The following ATP8A2 variants were observed in gnomAD, a reference collection of about 807,000 sequenced individuals.
ATP8A2 encodes the protein phospholipid-transporting ATPase IB.
In ATP8A2, 100 loss-of-function variants were observed where a neutral mutation model predicts 165.6. That is an observed-to-expected ratio of 0.60 (90% CI 0.51 to 0.71). ATP8A2 has a LOEUF of 0.71. Among genes scored for constraint, ATP8A2 ranks in the 30% least tolerant of loss-of-function variants. The pLI is 0.00. For synonymous variants in ATP8A2, 543 were observed against 548.8 expected, an observed-to-expected ratio of 0.99 and a Z score of 0.15; for missense variants, 1,227 against 1,479.5, an observed-to-expected ratio of 0.83 and a Z score of 2.80.
At chr13:25,532,201 T>G in intron 4 of ATP8A2, 71 bp from the exon 5 acceptor site, 1 of 1,219,948 alleles carries the variant, frequency 8.2e-7, no homozygotes, top group Non-Finnish European at 1.2e-6. Flanking sequence ...TTCCTGATTG[T>G]TTTGTTTGCT....
intron 33 of ATP8A2, among the ~76,000 whole-genome samples, chr13:25,875,707 T>TTCGG (rs1952804412): frequency 1.3e-5 from 2 of 149,498 alleles, no homozygotes; most frequent in African/African-American, 5.2e-5. Context: ...GCCCAACTGT[T>TTCGG]TTAGCCACAT....
At chr13:25,999,108 C>A (rs1250670679) in intron 35 of ATP8A2, among the ~76,000 whole-genome samples, 6 of 152,154 alleles carry the variant, frequency 3.9e-5, no homozygotes, top group Non-Finnish European at 4.4e-5. Context: ...CACCACAAAT[C>A]AGTTAATACA....
intron 35 of ATP8A2, among the ~76,000 whole-genome samples, chr13:25,977,026 T>TCCTCCCCCACCC (rs1566319946): frequency 8.0e-6 from 1 of 125,370 alleles, no homozygotes; most frequent in African/African-American, 3.2e-5. Flanking sequence ...GACCTTGTGA[T>TCCTCCCCCACCC]CCACCCCCAC....
At position 25,645,076 on chromosome 13, in the gene ATP8A2, G is replaced by A. The variant is rs568670829; in HGVS notation, c.2212-54097G>A. On this transcript the variant is annotated intron_variant, in intron 24 of 36. Transcript: ENST00000381655. ...ATTTATTTCTGCTCTGTATTAGTCC[G>A]TTTTCATGCTGTTGATAAAGCACAC... Among the ~76,000 whole-genome samples the A allele has an allele frequency of 1.6e-4, 25 of 152,064 alleles. No individual in the cohort carries two copies. The South Asian group carries it at 4.2e-3, about 25-fold the overall frequency.
At chr13:25,694,235 AC>A (rs1464248568) in intron 24 of ATP8A2, among the ~76,000 whole-genome samples, 1 of 152,188 alleles carries the variant, frequency 6.6e-6, no homozygotes, top group Non-Finnish European at 1.5e-5. Context: ...GTGCCCTCTT[AC>A]AAAAAGCCAC....
chr13:25,695,132 C>CT (rs11372481), intron 24 of ATP8A2, among the ~76,000 whole-genome samples: 38,940 of 146,388 alleles, frequency 0.27, 5,275 homozygotes, highest in South Asian at 0.47. Context: ...GTCACACTAT[C>CT]TTTTTTTTTT....
intron 33 of ATP8A2, among the ~76,000 whole-genome samples, chr13:25,900,862 G>A (rs182838739): frequency 1.3e-5 from 2 of 152,332 alleles, no homozygotes; most frequent in East Asian, 3.9e-4. Flanking sequence ...GGGGCTTGTG[G>A]AGAAACCACA....
At chr13:25,510,174 AACACACACACAC>A (rs57755000) in intron 2 of ATP8A2, among the ~76,000 whole-genome samples, 70 of 128,602 alleles carry the variant, frequency 5.4e-4, no homozygotes, top group African/African-American at 1.7e-3. Context: ...GTCTGTCTGT[AACACACACACAC>A]ACACACACAC....
At chr13:25,903,376 C>T (rs1337840645) in intron 33 of ATP8A2, among the ~76,000 whole-genome samples, 1 of 152,116 alleles carries the variant, frequency 6.6e-6, no homozygotes, top group Non-Finnish European at 1.5e-5. Flanking sequence ...TCTTTCCCTT[C>T]ACCTCAATCT....
In ATP8A2 at chr13:25,396,000, T is replaced by A. The variant is rs147229754; in HGVS notation, c.76+23712T>A. Among the ~76,000 whole-genome samples the A allele has an allele frequency of 4.9e-3, 741 of 152,246 alleles. 3 individuals are homozygous for A. The highest frequency in any genetic ancestry group is 8.0e-3 in the Non-Finnish European group (542 of 68,020). On this transcript the variant is annotated intron_variant, in intron 1 of 36. Coordinates refer to ENST00000381655, the MANE Select transcript of ATP8A2 (RefSeq NM_016529.6). ...CTGGGACTACAGGTGTGCATCACCATGCCCAGCTAATTTTTTTATTTTTAG... is the reference window on the plus strand; with the variant it reads ...CTGGGACTACAGGTGTGCATCACCAAGCCCAGCTAATTTTTTTATTTTTAG...
chr13:25,506,940 C>CATATAT (rs59774160), intron 2 of ATP8A2, among the ~76,000 whole-genome samples: 3,096 of 128,654 alleles, frequency 0.024, 88 homozygotes, highest in Middle Eastern at 0.081. Context: ...CAGTACAGTA[C>CATATAT]ATATATATAT....
At chr13:25,674,447 T>C (rs1389218573) in intron 24 of ATP8A2, among the ~76,000 whole-genome samples, 2 of 152,210 alleles carry the variant, frequency 1.3e-5, no homozygotes, top group African/African-American at 4.8e-5. Flanking sequence ...ATTAGGTCTC[T>C]GGAATTGGCT....
intron 24 of ATP8A2, among the ~76,000 whole-genome samples, chr13:25,661,584 A>G (rs1309146311): frequency 6.6e-6 from 1 of 152,238 alleles, no homozygotes; most frequent in Non-Finnish European, 1.5e-5. Flanking sequence ...GAAAAAGATT[A>G]TGAACTTAAG....
intron 1 of ATP8A2, among the ~76,000 whole-genome samples, chr13:25,399,364 G>A (rs1017179001): frequency 7.1e-6 from 1 of 140,552 alleles, no homozygotes; most frequent in African/African-American, 2.6e-5. Flanking sequence ...AATCACTGGT[G>A]TATAGTAAGA....
At chr13:25,508,134 C>T (rs2037109910) in intron 2 of ATP8A2, among the ~76,000 whole-genome samples, 1 of 152,118 alleles carries the variant, frequency 6.6e-6, no homozygotes, top group Non-Finnish European at 1.5e-5. Context: ...AAATAATACA[C>T]CAACACATTG....
chr13:25,811,270 A>G (rs1465096867), intron 27 of ATP8A2, among the ~76,000 whole-genome samples: 1 of 152,238 alleles, frequency 6.6e-6, no homozygotes, highest in East Asian at 1.9e-4. Context: ...TTTTGGCAGC[A>G]GAAAAATGCT....
chr13:25,519,410 A>G (rs1056486953), intron 2 of ATP8A2, among the ~76,000 whole-genome samples: 1 of 151,488 alleles, frequency 6.6e-6, no homozygotes, highest in Non-Finnish European at 1.5e-5. Flanking sequence ...CTAGAGTGCA[A>G]TTTCCTTGAG....
chr13:25,964,411 C>T (rs1955728897), intron 34 of ATP8A2, among the ~76,000 whole-genome samples: 1 of 152,126 alleles, frequency 6.6e-6, no homozygotes, highest in Non-Finnish European at 1.5e-5. Context: ...TCATATTATG[C>T]TCCAAACCCG....
intron 24 of ATP8A2, 120 bp from the exon 25 acceptor site, chr13:25,699,053 A>G (rs2042894308): frequency 1.3e-6 from 1 of 753,332 alleles, no homozygotes; most frequent in Admixed American, 3.2e-5. Flanking sequence ...AGCTGAACTG[A>G]TAGTATATTT....
Sources: gnomAD v4.1 joint callset for allele counts (sites outside exome capture counted in the v4.1 genomes callset) on GRCh38, gnomAD v4.1.1 for gene constraint, MANE v1.5 for transcripts, NCBI Gene and HGNC (gene_info 2026-07-23, HGNC 2026-07-21) for gene names.